Variants in PPP1R13B observed in about 807,000 individuals in gnomAD.
The protein encoded by PPP1R13B is protein phosphatase 1 regulatory subunit 13B.
PPP1R13B carries 44 observed loss-of-function variants against 119.8 expected under a neutral mutation model. That is an observed-to-expected ratio of 0.37 (90% CI 0.29 to 0.47). The LOEUF (loss-of-function observed/expected upper bound fraction) is 0.47, where lower values mean the gene tolerates loss of function less well. Ranked by LOEUF, PPP1R13B falls within the 20% of genes least tolerant of loss-of-function variation. The pLI, the probability that PPP1R13B is intolerant of heterozygous loss-of-function variation, is 0.99. For missense variants in PPP1R13B, 1,227 were observed against 1,413.5 expected (o/e 0.87, Z 2.12); for synonymous variants, 542 against 561.5 (o/e 0.97, Z 0.49).
intron 1 of PPP1R13B, among the ~76,000 whole-genome samples, chr14:103,827,844 A>G (rs2086584281): frequency 1.3e-5 from 2 of 152,098 alleles, no homozygotes; most frequent in Admixed American, 1.3e-4. Context: ...ATAAGCAGCT[A>G]CTATTGCTAT....
At chr14:103,831,537 C>T (rs2086663880) in intron 1 of PPP1R13B, among the ~76,000 whole-genome samples, 1 of 150,900 alleles carries the variant, frequency 6.6e-6, no homozygotes, top group Non-Finnish European at 1.5e-5. Flanking sequence ...TCTCTAACTC[C>T]TGACCTCAAG....
chr14:103,814,003 T>C (rs975238558), intron 1 of PPP1R13B, among the ~76,000 whole-genome samples: 4 of 152,198 alleles, frequency 2.6e-5, no homozygotes, highest in Admixed American at 6.6e-5. Context: ...CTTTGTGATA[T>C]AGGTACTACT....
chr14:103,788,519 A>T (rs11160761), intron 2 of PPP1R13B, among the ~76,000 whole-genome samples: 67,716 of 151,946 alleles, frequency 0.45, 15,593 homozygotes, highest in African/African-American at 0.56. Flanking sequence ...ATACTTTTAG[A>T]CTATAAAATA....
At chr14:103,839,836 G>A (rs2152086315) in intron 1 of PPP1R13B, among the ~76,000 whole-genome samples, 1 of 152,200 alleles carries the variant, frequency 6.6e-6, no homozygotes, top group South Asian at 2.1e-4. Context: ...ATTTTCTTGA[G>A]CTATGATAAT....
intron 4 of PPP1R13B, among the ~76,000 whole-genome samples, chr14:103,771,474 T>TG (rs2085066963): frequency 7.2e-6 from 1 of 138,352 alleles, no homozygotes; most frequent in African/African-American, 2.7e-5. Context: ...AACTAACACT[T>TG]CTTTTTTTTT....
intron 1 of PPP1R13B, among the ~76,000 whole-genome samples, chr14:103,823,829 CT>C: frequency 6.7e-6 from 1 of 149,212 alleles, no homozygotes; most frequent in African/African-American, 2.5e-5. Flanking sequence ...TATACATACA[CT>C]TTAAAAAAAA....
At chr14:103,758,800 T>C (rs143653840) in intron 4 of PPP1R13B, among the ~76,000 whole-genome samples, 10 of 152,216 alleles carry the variant, frequency 6.6e-5, no homozygotes, top group African/African-American at 2.2e-4. Context: ...GGTTCATATA[T>C]ACTCTTAGGA....
chr14:103,811,632 G>A (rs1455430713), intron 1 of PPP1R13B, among the ~76,000 whole-genome samples: 1 of 152,126 alleles, frequency 6.6e-6, no homozygotes, highest in East Asian at 1.9e-4. Context: ...AGGCTGCAGT[G>A]AGCTATGACT....
intron 2 of PPP1R13B, among the ~76,000 whole-genome samples, chr14:103,791,140 G>C (rs1422202798): frequency 7.0e-6 from 1 of 142,104 alleles, no homozygotes; most frequent in Non-Finnish European, 1.5e-5. Context: ...TTTTTTTTAA[G>C]AGATGGGGTC....
intron 4 of PPP1R13B, among the ~76,000 whole-genome samples, chr14:103,777,045 T>C (rs2085218769): frequency 1.3e-5 from 2 of 151,760 alleles, no homozygotes; most frequent in Admixed American, 1.3e-4. Context: ...CAGGCTGGAG[T>C]GCAGTGGCAC....
intron 4 of PPP1R13B, among the ~76,000 whole-genome samples, chr14:103,775,869 G>T (rs1245894291): frequency 6.6e-6 from 1 of 152,050 alleles, no homozygotes. Flanking sequence ...AATGTGAAGA[G>T]GGAGAATCTA....
chr14:103,757,512 G>A (rs2084706233), intron 5 of PPP1R13B, 138 bp downstream of exon 5: 1 of 718,614 alleles, frequency 1.4e-6, no homozygotes, highest in African/African-American at 1.8e-5. Flanking sequence ...AACAAAGAGA[G>A]AAAGACTGCA....
chr14:103,836,584 C>G (rs888956641), intron 1 of PPP1R13B, among the ~76,000 whole-genome samples: 1 of 151,832 alleles, frequency 6.6e-6, no homozygotes, highest in Non-Finnish European at 1.5e-5. Flanking sequence ...GCCTAGCCAA[C>G]ATGGCGAAAC....
chr14:103,736,094 G>C lies in PPP1R13B; in HGVS notation c.3140C>G (p.Thr1047Ser). Residue 1047 changes from threonine (T) to serine (S), a missense_variant, in exon 16 of 17, where the codon ACC becomes AGC. Transcript: ENST00000202556. ...ELSFHEGDAL[T>S]ILRRKDESET... ...GCTTTCGTCCTTGCGCCTCAGGATG[G>C]TGAGGGCGTCCCCTTCGTGGAAGGA... 1.2e-6 allele frequency: 2 copies of C among 1,614,196 alleles called. No individual in the cohort carries two copies. Among genetic ancestry groups the C allele is most frequent in the Non-Finnish European group, 1.7e-6 (2 of 1,180,028 alleles).
intron 3 of PPP1R13B, among the ~76,000 whole-genome samples, chr14:103,783,000 T>C (rs2085372304): frequency 6.6e-6 from 1 of 152,020 alleles, no homozygotes; most frequent in Non-Finnish European, 1.5e-5. Flanking sequence ...AGACGGGGGT[T>C]TCACCATGTT....
intron 2 of PPP1R13B, among the ~76,000 whole-genome samples, chr14:103,788,690 CAAA>C (rs750570947): frequency 1.8e-5 from 2 of 112,102 alleles, no homozygotes. Flanking sequence ...ACAATCAAAG[CAAA>C]AAAAAAAAAA....
chr14:103,758,216 T>C (rs1293555259), intron 4 of PPP1R13B, among the ~76,000 whole-genome samples: 1 of 152,204 alleles, frequency 6.6e-6, no homozygotes, highest in East Asian at 1.9e-4. Context: ...AAAAACACCA[T>C]ATGCATGACT....
At chr14:103,753,238 A>AT (rs1353608345) in intron 6 of PPP1R13B, 42 bp from the exon 7 acceptor site, 1 of 1,460,774 alleles carries the variant, frequency 6.8e-7, no homozygotes, top group South Asian at 1.3e-5. Flanking sequence ...GATTTAGTTG[A>AT]TCCTTTTTTT....
At chr14:103,825,656 G>T (rs1418059974) in intron 1 of PPP1R13B, among the ~76,000 whole-genome samples, 1 of 152,168 alleles carries the variant, frequency 6.6e-6, no homozygotes, top group African/African-American at 2.4e-5. Context: ...AGCTGCAAAA[G>T]AAAGTTGGAA....
Sources: gnomAD v4.1 joint callset for allele counts (sites outside exome capture counted in the v4.1 genomes callset) on GRCh38, gnomAD v4.1.1 for gene constraint, MANE v1.5 for transcripts, NCBI Gene and HGNC (gene_info 2026-07-23, HGNC 2026-07-21) for gene names.